SPATA13: variants seen among roughly 807,000 people sequenced by gnomAD.
SPATA13 encodes the protein spermatogenesis associated 13, also known as spermatogenesis-associated protein 13.
SPATA13 carries 50 observed loss-of-function variants against 104.0 expected under a neutral mutation model. The ratio of observed to expected loss-of-function variants is 0.48; its 90% CI spans 0.38 to 0.61. The LOEUF is 0.61. SPATA13 is among the 20% of genes least tolerant of loss of function. SPATA13 has a pLI of 0.00. For missense variants in SPATA13, 1,524 were observed against 1,690.6 expected, an observed-to-expected ratio of 0.90 and a Z score of 1.73; for synonymous variants, 606 against 667.5, an observed-to-expected ratio of 0.91 and a Z score of 1.42.
chr13:24,153,463 A>C (rs1242706217), intron 3 of SPATA13, among the ~76,000 whole-genome samples: 4 of 152,230 alleles, frequency 2.6e-5, no homozygotes, highest in South Asian at 4.1e-4. Flanking sequence ...CTGCTAGTAC[A>C]TGACAGAGAA....
chr13:24,058,534 T>C (rs527718843), intron 3 of SPATA13, among the ~76,000 whole-genome samples: 1 of 151,962 alleles, frequency 6.6e-6, no homozygotes, highest in East Asian at 1.9e-4. Flanking sequence ...GGCTACACAT[T>C]ACTTAGAATA....
At position 24,222,842 on chromosome 13, in the gene SPATA13, T is replaced by G. The variant is rs1369113940; in HGVS notation, c.-88T>G. On this transcript the variant is annotated 5_prime_UTR_variant, in exon 2 of 13. It removes an upstream start codon present in the reference 5' UTR. Coordinates refer to ENST00000382108, the MANE Select transcript of SPATA13 (RefSeq NM_001166271.3). ...AGCCCGTGGCCACCCAGGAGCCCGA[T>G]GTGCAAGGCAGGTGTGAGTGCCAGG... 6.6e-7 allele frequency: 1 copy of G among 1,524,702 alleles called. No individual in the cohort carries two copies. Among genetic ancestry groups the G allele is most frequent in the Non-Finnish European group, 8.8e-7 (1 of 1,130,476 alleles). 94.4% of individuals were successfully genotyped at this position (1,524,702 alleles called of 1,614,324 possible).
At chr13:24,039,651 G>C (rs886695203) in intron 3 of SPATA13, among the ~76,000 whole-genome samples, 9 of 152,094 alleles carry the variant, frequency 5.9e-5, no homozygotes, top group Admixed American at 3.3e-4. Context: ...GTCTCTTGCT[G>C]TTCTGTGGAC....
chr13:24,196,310 C>T (rs1593406616), intron 1 of SPATA13, among the ~76,000 whole-genome samples: 1 of 152,242 alleles, frequency 6.6e-6, no homozygotes, highest in East Asian at 1.9e-4. Context: ...GGAAGTATCA[C>T]ACTTCAATTT....
chr13:24,143,198 A>G (rs1160193096), intron 3 of SPATA13, among the ~76,000 whole-genome samples: 1 of 152,218 alleles, frequency 6.6e-6, no homozygotes, highest in East Asian at 1.9e-4. Flanking sequence ...TCCAAACCAG[A>G]GAAAGCCTGC....
At position 24,286,807 on chromosome 13, in the gene SPATA13, AC is replaced by A; in HGVS notation, c.2529del (p.Ser844ValfsTer64). Reference protein sequence around the residue: ...QEELSENSSSTPSEEQDEEAS... With the variant: ...QEELSENSSSXPSEEQDEEAS... ...AGAGCTGTCGGAAAACTCCAGCAGC[AC>A]CCCCAGTGAGGAGCAGGACGAGGAG... On this transcript the variant is annotated frameshift_variant, in exon 7 of 13. Coordinates refer to ENST00000382108, the MANE Select transcript of SPATA13 (RefSeq NM_001166271.3). LOFTEE classifies it high-confidence loss of function. The surrounding 1 kb of genome is among the most constrained non-coding windows in gnomAD (Gnocchi z 4.9). 6.2e-7 allele frequency: 1 copy of A among 1,613,128 alleles called. No homozygotes were observed.
intron 3 of SPATA13, among the ~76,000 whole-genome samples, chr13:24,112,470 G>A (rs919281131): frequency 6.6e-6 from 1 of 152,120 alleles, no homozygotes; most frequent in Non-Finnish European, 1.5e-5. Flanking sequence ...TACTTCCCAT[G>A]CTGAAGAGTT....
At chr13:24,233,763 C>A (rs1319485952) in intron 2 of SPATA13, among the ~76,000 whole-genome samples, 1 of 152,094 alleles carries the variant, frequency 6.6e-6, no homozygotes, top group South Asian at 2.1e-4. Flanking sequence ...ACTAGTTAAA[C>A]CGGCAAATTA....
At chr13:24,099,853 A>G (rs1327430715) in intron 3 of SPATA13, among the ~76,000 whole-genome samples, 1 of 152,244 alleles carries the variant, frequency 6.6e-6, no homozygotes, top group Non-Finnish European at 1.5e-5. Flanking sequence ...TAGAAATTTT[A>G]AACTGTCAAG....
At chr13:24,263,063 ATT>A (rs2138682201) in intron 4 of SPATA13, among the ~76,000 whole-genome samples, 1 of 152,242 alleles carries the variant, frequency 6.6e-6, no homozygotes, top group Non-Finnish European at 1.5e-5. Context: ...ACTCCACTGA[ATT>A]TTTTGTTAAA....
At chr13:24,082,957 G>T (rs1354279519) in intron 3 of SPATA13, among the ~76,000 whole-genome samples, 2 of 151,806 alleles carry the variant, frequency 1.3e-5, no homozygotes, top group Admixed American at 1.3e-4. Flanking sequence ...TATAAGAGTA[G>T]TATTTTTTGT....
In SPATA13 at chr13:24,223,496, G is replaced by A. The variant is rs762003351; in HGVS notation, c.567G>A (p.Thr189=). ...GTLDGSDLED[T]DDAFQRSTHR... ...TGGATGGCTCCGACCTCGAGGACAC[G>A]GACGATGCCTTCCAGCGGAGCACAC... Residue 189 remains threonine, a synonymous_variant, in exon 2 of 13, where the codon ACG becomes ACA. Transcript: ENST00000382108. 4.5e-6 allele frequency: 7 copies of A among 1,548,496 alleles called. No individual in the cohort carries two copies. The highest frequency in any genetic ancestry group is 2.0e-5 in the Admixed American group (1 of 50,992).
chr13:23,997,661 G>A (rs4769301), intron 2 of SPATA13, among the ~76,000 whole-genome samples: 38,721 of 152,026 alleles, frequency 0.25, 5,464 homozygotes, highest in Non-Finnish European at 0.32. Context: ...TGCTTCTGTT[G>A]AGGCCTCAGG....
intron 3 of SPATA13, among the ~76,000 whole-genome samples, chr13:24,092,396 A>T (rs8002029): frequency 6.6e-6 from 1 of 152,152 alleles, no homozygotes; most frequent in Admixed American, 6.5e-5. Flanking sequence ...TTGCTCTTGC[A>T]TAGTTAGTGA....
chr13:23,984,630 T>C (rs1192879948), intron 2 of SPATA13, among the ~76,000 whole-genome samples: 2 of 152,234 alleles, frequency 1.3e-5, no homozygotes, highest in African/African-American at 2.4e-5. Context: ...GTATCCCTGC[T>C]GAAGAGCAGG....
At chr13:24,030,990 C>T (rs1877455025) in intron 3 of SPATA13, among the ~76,000 whole-genome samples, 1 of 152,222 alleles carries the variant, frequency 6.6e-6, no homozygotes, top group Non-Finnish European at 1.5e-5. Flanking sequence ...AATAACCGTT[C>T]AATTCTAGCT....
At chr13:24,127,020 T>C (rs1412346060) in intron 3 of SPATA13, among the ~76,000 whole-genome samples, 3 of 152,238 alleles carry the variant, frequency 2.0e-5, no homozygotes, top group African/African-American at 7.2e-5. Flanking sequence ...ATCTCATCTC[T>C]CTGAGACCAG....
chr13:24,265,173 C>T (rs1260778577), intron 4 of SPATA13, among the ~76,000 whole-genome samples: 1 of 152,188 alleles, frequency 6.6e-6, no homozygotes, highest in African/African-American at 2.4e-5. Flanking sequence ...GCCCGCCCCT[C>T]CTGTGGTGAA....
intron 5 of SPATA13, among the ~76,000 whole-genome samples, chr13:24,285,237 A>G (rs572372876): frequency 8.1e-4 from 124 of 152,256 alleles, no homozygotes; most frequent in African/African-American, 2.7e-3. Flanking sequence ...AGATCATGCT[A>G]TGTTCTCTTC....
Sources: allele counts gnomAD v4.1 joint callset (sites outside exome capture counted in the v4.1 genomes callset), GRCh38; gene constraint gnomAD v4.1.1; non-coding constraint Gnocchi (gnomAD v3.1); transcripts MANE v1.5; gene names NCBI Gene and HGNC (gene_info 2026-07-23, HGNC 2026-07-21).